NRP1: variants seen among roughly 807,000 people sequenced by gnomAD.
NRP1 encodes the protein neuropilin-1.
NRP1 carries 35 observed loss-of-function variants against 106.7 expected under a neutral mutation model. The observed-to-expected ratio is 0.33, with a 90% CI of 0.25 to 0.43. The LOEUF is 0.43. Ranked by LOEUF, NRP1 falls within the 20% of genes least tolerant of loss-of-function variation. The pLI, the probability that NRP1 is intolerant of heterozygous loss-of-function variation, is 1.00. For missense variants in NRP1, 1,024 were observed against 1,170.4 expected (o/e 0.87, Z 1.83); for synonymous variants, 437 against 417.9 (o/e 1.05, Z -0.56).
At chr10:33,200,077 T>C (rs1588706871) in intron 11 of NRP1, among the ~76,000 whole-genome samples, 2 of 152,314 alleles carry the variant, frequency 1.3e-5, no homozygotes, top group Admixed American at 6.5e-5. Flanking sequence ...ATATGTATTA[T>C]GGGTTAAGAA....
chr10:33,204,888 C>G (rs1588717104), intron 10 of NRP1, among the ~76,000 whole-genome samples: 1 of 152,042 alleles, frequency 6.6e-6, no homozygotes, highest in Non-Finnish European at 1.5e-5. Context: ...CCCACCAACA[C>G]ACCCAGCTAA....
At chr10:33,228,849 A>G (rs1839887577) in intron 6 of NRP1, among the ~76,000 whole-genome samples, 1 of 152,250 alleles carries the variant, frequency 6.6e-6, no homozygotes, top group Admixed American at 6.5e-5. Flanking sequence ...AATATTTTAG[A>G]ATACTAACAA....
intron 13 of NRP1, 89 bp from the exon 14 acceptor site, chr10:33,186,577 T>G: frequency 6.8e-7 from 1 of 1,463,158 alleles, no homozygotes; most frequent in East Asian, 2.3e-5. Context: ...ATCAAAAGCT[T>G]CCTGCGCTGA....
chr10:33,232,217 GGGTTC>G (rs1840193893), intron 6 of NRP1, among the ~76,000 whole-genome samples: 1 of 152,076 alleles, frequency 6.6e-6, no homozygotes, highest in South Asian at 2.1e-4. Context: ...ATGTTTTGGA[GGGTTC>G]ATCGTCCTAA....
intron 9 of NRP1, among the ~76,000 whole-genome samples, chr10:33,208,013 C>T (rs1837948277): frequency 6.6e-6 from 1 of 152,072 alleles, no homozygotes; most frequent in Non-Finnish European, 1.5e-5. Context: ...TCAGTCTTAC[C>T]CTCCCTGGGC....
At chr10:33,266,055 C>T (rs1842898011) in intron 3 of NRP1, among the ~76,000 whole-genome samples, 1 of 152,084 alleles carries the variant, frequency 6.6e-6, no homozygotes, top group African/African-American at 2.4e-5. Context: ...TGGCTACATT[C>T]TTGTAAGCCA....
At chr10:33,198,197 A>G (rs1368660175) in intron 11 of NRP1, among the ~76,000 whole-genome samples, 2 of 145,550 alleles carry the variant, frequency 1.4e-5, no homozygotes, top group Non-Finnish European at 3.0e-5. Context: ...GCTGGAATGC[A>G]GTGGCACAAT....
intron 12 of NRP1, chr10:33,195,302 G>A (rs1330340461): frequency 5.9e-6 from 2 of 339,438 alleles, no homozygotes; most frequent in Admixed American, 7.8e-5. Flanking sequence ...AATGCTGGAG[G>A]AGCCTCAGAG....
chr10:33,180,069 T>C lies in NRP1; in HGVS notation c.*7A>G, dbSNP rs1422439772. The C allele has an allele frequency of 1.2e-6, 2 of 1,612,968 alleles. No individual in the cohort carries two copies. Among genetic ancestry groups the C allele is most frequent in the Non-Finnish European group, 1.7e-6 (2 of 1,179,358 alleles). ...TCCTTTGACTGTCTTTTCATCTCTG[T>C]CTGCCTTCATGCCTCCGAATAAGTA... is the stretch of plus-strand genomic sequence containing the variant. On this transcript the variant is annotated 3_prime_UTR_variant, in exon 17 of 17. Transcript: ENST00000374867.
intron 2 of NRP1, among the ~76,000 whole-genome samples, chr10:33,307,594 A>G (rs909902607): frequency 1.3e-5 from 2 of 152,208 alleles, no homozygotes; most frequent in Non-Finnish European, 1.5e-5. Context: ...GTATATATCA[A>G]GAGTCTTAAT....
intron 6 of NRP1, chr10:33,249,618 A>G (rs1588843463): frequency 2.4e-6 from 1 of 423,504 alleles, no homozygotes; most frequent in East Asian, 6.7e-5. Context: ...CAGCTCTGGG[A>G]CACAGAATAA....
chr10:33,284,948 A>C lies in NRP1; in HGVS notation c.249-14092T>G, dbSNP rs982342854. Among the ~76,000 whole-genome samples the C allele has an allele frequency of 3.9e-5, 6 of 152,268 alleles. No homozygotes were observed. The East Asian group carries it at 1.2e-3, about 29-fold the overall frequency. ...CAAGCACAGATCAGAAGCAATAAAAAAATTCAGGGAGAGAATCAACTTTGT... is the reference window on the plus strand; with the variant it reads ...CAAGCACAGATCAGAAGCAATAAAACAATTCAGGGAGAGAATCAACTTTGT... On this transcript the variant is annotated intron_variant, in intron 2 of 16. Coordinates refer to ENST00000374867, the MANE Select transcript of NRP1 (RefSeq NM_003873.7).
Position 33,179,959 on chromosome 10 carries a change from T to TCG in NRP1, c.*116_*117insCG. The TCG allele has an allele frequency of 1.9e-6, 2 of 1,038,276 alleles. No individual in the cohort carries two copies. The highest frequency in any genetic ancestry group is 2.9e-6 in the Non-Finnish European group (2 of 698,492). 64.3% of individuals were successfully genotyped at this position (1,038,276 alleles called of 1,614,324 possible). On this transcript the variant is annotated 3_prime_UTR_variant, in exon 17 of 17. Coordinates refer to ENST00000374867, the MANE Select transcript of NRP1 (RefSeq NM_003873.7). ...CTCATTGAAGCTCCTGAGAAAAGCC[T>TCG]GGCTCAGTGGTCATCAACACACTTC... is the stretch of plus-strand genomic sequence containing the variant.
At chr10:33,221,886 T>C (rs373251205) in intron 7 of NRP1, 23 bp from the exon 8 acceptor site, 3 of 1,587,876 alleles carry the variant, frequency 1.9e-6, no homozygotes, top group Non-Finnish European at 2.6e-6. Flanking sequence ...AAAAAGTGCC[T>C]TTCTTTAGCA....
intron 12 of NRP1, among the ~76,000 whole-genome samples, chr10:33,194,968 C>G (rs1204197967): frequency 6.6e-6 from 1 of 152,194 alleles, no homozygotes. Context: ...GCGGGGCACA[C>G]AACTCTCATT....
At chr10:33,315,481 A>G (rs190184310) in intron 2 of NRP1, among the ~76,000 whole-genome samples, 9 of 152,366 alleles carry the variant, frequency 5.9e-5, no homozygotes, top group East Asian at 3.9e-4. Context: ...CAATTGGCCA[A>G]TTGGAGAAGA....
At chr10:33,269,994 A>T (rs1293210004) in intron 3 of NRP1, among the ~76,000 whole-genome samples, 1 of 152,168 alleles carries the variant, frequency 6.6e-6, no homozygotes, top group Non-Finnish European at 1.5e-5. Flanking sequence ...GTGCACAATA[A>T]ATGTAATGCA....
At chr10:33,265,513 C>T (rs969277317) in intron 3 of NRP1, among the ~76,000 whole-genome samples, 4 of 152,210 alleles carry the variant, frequency 2.6e-5, no homozygotes, top group African/African-American at 9.6e-5. Context: ...ACTAGCAGGT[C>T]TCTAGTTTTA....
chr10:33,331,781 T>C (rs956092748), intron 1 of NRP1, among the ~76,000 whole-genome samples: 2 of 152,150 alleles, frequency 1.3e-5, no homozygotes, highest in African/African-American at 4.8e-5. Context: ...TAGATTCTCA[T>C]TGTCACATTT....
Sources: allele counts gnomAD v4.1 joint callset (sites outside exome capture counted in the v4.1 genomes callset), GRCh38; gene constraint gnomAD v4.1.1; transcripts MANE v1.5; gene names NCBI Gene and HGNC (gene_info 2026-07-23, HGNC 2026-07-21).